Variants in NCKAP5 observed in about 807,000 individuals in gnomAD.
NCKAP5 encodes NCK associated protein 5, also known as nck-associated protein 5.
A neutral mutation model predicts 167.0 loss-of-function variants in NCKAP5; 92 were observed. The ratio of observed to expected loss-of-function variants is 0.55; its 90% confidence interval spans 0.47 to 0.66. The LOEUF (loss-of-function observed/expected upper bound fraction) is 0.66. Among genes scored for constraint, NCKAP5 ranks in the 30% least tolerant of loss-of-function variants. The pLI is 0.00. For missense variants in NCKAP5, 2,378 were observed against 2,315.0 expected (o/e 1.03, Z -0.56); for synonymous variants, 891 against 877.4 (o/e 1.02, Z -0.27).
At chr2:133,151,461 C>A (rs921167339) in intron 5 of NCKAP5, among the ~76,000 whole-genome samples, 35 of 152,090 alleles carry the variant, frequency 2.3e-4, no homozygotes, top group African/African-American at 7.7e-4. Flanking sequence ...ATAAAAAAAA[C>A]CGCGTTAAGA....
At chr2:133,376,380 A>C (rs926491932) in intron 3 of NCKAP5, among the ~76,000 whole-genome samples, 6 of 152,176 alleles carry the variant, frequency 3.9e-5, no homozygotes, top group African/African-American at 1.4e-4. Flanking sequence ...GAATCTGGGA[A>C]TCATCCTCGA....
At chr2:132,715,328 G>A (rs981274421) in intron 19 of NCKAP5, among the ~76,000 whole-genome samples, 6 of 152,128 alleles carry the variant, frequency 3.9e-5, no homozygotes, top group Non-Finnish European at 8.8e-5. Context: ...GCAGATGATT[G>A]TTAATCTTCC....
At chr2:132,731,596 T>C (rs1691010640) in intron 17 of NCKAP5, 141 bp downstream of exon 17, 1 of 829,372 alleles carries the variant, frequency 1.2e-6, no homozygotes, top group African/African-American at 1.7e-5. Context: ...ATTGTTTTGC[T>C]TGTTGGTGAA....
In NCKAP5 at chr2:133,435,510, C is replaced by T. The variant is rs370500883; in HGVS notation, c.69+81948G>A. 5.3e-5 allele frequency among the ~76,000 whole-genome samples: 8 copies of T among 152,264 alleles called. No individual in the cohort carries two copies. The South Asian group carries it at 8.3e-4, about 16-fold the overall frequency. Reference sequence around the variant, plus strand: ...CCAGGTTGGAACGAAGCCAGTCTCTCCAGGGCTCACTGTACTCTAGGTATG... The same window carrying T: ...CCAGGTTGGAACGAAGCCAGTCTCTTCAGGGCTCACTGTACTCTAGGTATG... On this transcript the variant is annotated intron_variant, in intron 3 of 19. Transcript: ENST00000409261.
chr2:133,292,195 A>G (rs1351380145), intron 4 of NCKAP5, among the ~76,000 whole-genome samples: 1 of 152,198 alleles, frequency 6.6e-6, no homozygotes, highest in Non-Finnish European at 1.5e-5. Context: ...TTTTTAAAAA[A>G]TAAGTCATAA....
chr2:133,595,051 C>T, the NCKAP5 span, among the ~76,000 whole-genome samples: 2 of 152,106 alleles, frequency 1.3e-5, no homozygotes, highest in African/African-American at 4.8e-5. Flanking sequence ...TGTGGATTCC[C>T]AGGGGGCACT....
At chr2:133,568,176 C>A (rs1036631690) in intron 1 of NCKAP5, 40 bp downstream of exon 1, 4 of 152,066 alleles carry the variant, frequency 2.6e-5, no homozygotes, top group African/African-American at 9.7e-5. Context: ...ATAAGAAAAA[C>A]TGTTACAAGA....
At chr2:133,431,821 A>C (rs1401014045) in intron 3 of NCKAP5, 3 of 152,212 alleles carry the variant, frequency 2.0e-5, no homozygotes, top group African/African-American at 7.2e-5. Flanking sequence ...TTTATCACTA[A>C]AATAAGAAAC....
the NCKAP5 span, among the ~76,000 whole-genome samples, chr2:133,607,911 C>T: frequency 2.6e-5 from 4 of 152,186 alleles, no homozygotes; most frequent in Non-Finnish European, 5.9e-5. Flanking sequence ...TAGTCATGAG[C>T]TTCAGCTCTT....
At chr2:132,855,267 A>C (rs938392503) in intron 11 of NCKAP5, among the ~76,000 whole-genome samples, 1 of 152,158 alleles carries the variant, frequency 6.6e-6, no homozygotes, top group Non-Finnish European at 1.5e-5. Flanking sequence ...CACATTCTCC[A>C]TATGTTTTCA....
Position 133,048,586 on chromosome 2 carries a change from T to C in NCKAP5, c.342-54347A>G, listed in dbSNP as rs569805784. The stretch of plus-strand genomic sequence containing the variant: ...TTAGAATTAACAAAATGTTGTCTTA[T>C]GTCACAATTCTCTGAACTGTATGAG... On this transcript the variant is annotated intron_variant, in intron 6 of 19. Transcript: ENST00000409261. Among the ~76,000 whole-genome samples the C allele has an allele frequency of 6.4e-4, 97 of 152,250 alleles. 2 individuals are homozygous for C. Among genetic ancestry groups the C allele is most frequent in the Admixed American group, 4.6e-4 (7 of 15,284 alleles).
intron 2 of NCKAP5, among the ~76,000 whole-genome samples, chr2:133,545,695 A>G (rs925848196): frequency 4.6e-5 from 7 of 152,186 alleles, no homozygotes. Context: ...CTAAGAAACA[A>G]AATTGAAACA....
At chr2:132,958,887 G>A (rs2076418952) in intron 8 of NCKAP5, among the ~76,000 whole-genome samples, 1 of 151,730 alleles carries the variant, frequency 6.6e-6, no homozygotes, top group Admixed American at 6.6e-5. Flanking sequence ...TTATTTACAG[G>A]CATATAGTTG....
chr2:132,877,905 GTTC>G (rs768513633), intron 9 of NCKAP5, among the ~76,000 whole-genome samples: 6 of 152,212 alleles, frequency 3.9e-5, no homozygotes, highest in Admixed American at 2.6e-4. Context: ...ACGAAATGCA[GTTC>G]TTCTTTTCTT....
chr2:133,377,854 G>A (rs1397238492), intron 3 of NCKAP5, among the ~76,000 whole-genome samples: 1 of 152,152 alleles, frequency 6.6e-6, no homozygotes, highest in African/African-American at 2.4e-5. Context: ...TGAGGGCTAA[G>A]CCCCAAACTG....
chr2:133,351,948 T>C (rs1684391673), intron 3 of NCKAP5, among the ~76,000 whole-genome samples: 1 of 152,152 alleles, frequency 6.6e-6, no homozygotes, highest in Non-Finnish European at 1.5e-5. Context: ...GCCAAAATGA[T>C]GCTGTTAAAA....
At chr2:133,618,008 C>T in the NCKAP5 span, among the ~76,000 whole-genome samples, 1 of 152,022 alleles carries the variant, frequency 6.6e-6, no homozygotes, top group African/African-American at 2.4e-5. Flanking sequence ...CCCATATCTA[C>T]AACTATCTGA....
chr2:133,187,802 C>G (rs984676757), intron 5 of NCKAP5, among the ~76,000 whole-genome samples: 5 of 151,892 alleles, frequency 3.3e-5, no homozygotes, highest in African/African-American at 1.2e-4. Context: ...ATTGCAACAC[C>G]TGCTTTTTTT....
chr2:133,376,765 G>A (rs1243600765), intron 3 of NCKAP5, among the ~76,000 whole-genome samples: 1 of 152,156 alleles, frequency 6.6e-6, no homozygotes, highest in Non-Finnish European at 1.5e-5. Flanking sequence ...TGATCACACT[G>A]GGACTAGAAA....
Sources: gnomAD v4.1 joint callset for allele counts (sites outside exome capture counted in the v4.1 genomes callset) on GRCh38, gnomAD v4.1.1 for gene constraint, MANE v1.5 for transcripts, NCBI Gene and HGNC (gene_info 2026-07-23, HGNC 2026-07-21) for gene names.